LUZP2: variants seen among roughly 807,000 people sequenced by gnomAD.
LUZP2 encodes the protein leucine zipper protein 2.
In LUZP2, 52 loss-of-function variants were observed where a neutral mutation model predicts 51.6. The observed-to-expected ratio is 1.01, with a 90% CI of 0.81 to 1.27. The LOEUF (loss-of-function observed/expected upper bound fraction) is 1.27, where lower values mean the gene tolerates loss of function less well. LUZP2 is among the 50% of genes most tolerant of loss of function. The pLI, the probability that LUZP2 is intolerant of heterozygous loss-of-function variation, is 0.00. For synonymous variants in LUZP2, 154 were observed against 137.3 expected (o/e 1.12, Z -0.85); for missense variants, 436 against 395.4 (o/e 1.10, Z -0.87).
intron 1 of LUZP2, among the ~76,000 whole-genome samples, chr11:24,532,561 G>T (rs1354066434): frequency 6.6e-6 from 1 of 150,906 alleles, no homozygotes; most frequent in Non-Finnish European, 1.5e-5. Context: ...ACACAAAAAA[G>T]TCGCTATAAC....
At chr11:24,579,911 C>T (rs7944923) in intron 1 of LUZP2, among the ~76,000 whole-genome samples, 147,878 of 152,104 alleles carry the variant, frequency 0.97, 71,995 homozygotes, top group East Asian at 1. Context: ...CTACAAAATA[C>T]ATCTAAGCAA....
intron 1 of LUZP2, among the ~76,000 whole-genome samples, chr11:24,614,443 A>T (rs888124511): frequency 6.6e-6 from 1 of 151,972 alleles, no homozygotes; most frequent in Non-Finnish European, 1.5e-5. Flanking sequence ...CATTTCATTT[A>T]ACCCCCTAAA....
chr11:24,845,639 A>G (rs964726956), intron 5 of LUZP2, among the ~76,000 whole-genome samples: 2 of 152,160 alleles, frequency 1.3e-5, no homozygotes, highest in Non-Finnish European at 2.9e-5. Flanking sequence ...TCAGTGGGAC[A>G]TGATTGAATT....
At chr11:24,508,564 C>G (rs1313987596) in intron 1 of LUZP2, among the ~76,000 whole-genome samples, 1 of 152,018 alleles carries the variant, frequency 6.6e-6, no homozygotes, top group Non-Finnish European at 1.5e-5. Context: ...AGATGTCTTC[C>G]AAGTGTTAAT....
At chr11:24,675,789 ATATTTATTTATTTATT>A (rs61265735) in intron 1 of LUZP2, among the ~76,000 whole-genome samples, 38,183 of 136,412 alleles carry the variant, frequency 0.28, 5,757 homozygotes, top group Admixed American at 0.38. Context: ...TCTTTTTTTT[ATATTTATTTATTTATT>A]TATTTATTTA....
chr11:24,968,982 G>C (rs1855669846), intron 7 of LUZP2, among the ~76,000 whole-genome samples: 1 of 152,188 alleles, frequency 6.6e-6, no homozygotes, highest in African/African-American at 2.4e-5. Flanking sequence ...GACATGTCTA[G>C]AAGCAGATAA....
intron 10 of LUZP2, among the ~76,000 whole-genome samples, chr11:25,052,280 G>T (rs552730745): frequency 1.3e-5 from 2 of 152,304 alleles, no homozygotes; most frequent in East Asian, 3.9e-4. Flanking sequence ...ATGAACATCA[G>T]TTTTCAAGTT....
chr11:24,828,762 G>A, intron 5 of LUZP2, among the ~76,000 whole-genome samples: 1 of 152,228 alleles, frequency 6.6e-6, no homozygotes, highest in East Asian at 1.9e-4. Flanking sequence ...CTTCAAGCTG[G>A]GCTGGAAAAA....
chr11:24,621,768 A>G (rs372406175), intron 1 of LUZP2, among the ~76,000 whole-genome samples: 3 of 152,296 alleles, frequency 2.0e-5, no homozygotes, highest in South Asian at 4.1e-4. Context: ...TCCTCTTAAT[A>G]GAACATTGTC....
chr11:24,699,329 T>A (rs943020326), intron 1 of LUZP2, among the ~76,000 whole-genome samples: 1 of 152,148 alleles, frequency 6.6e-6, no homozygotes, highest in Non-Finnish European at 1.5e-5. Flanking sequence ...GTCAACAAAT[T>A]TTTGGTGCAA....
chr11:24,840,305 C>T (rs1850988643), intron 5 of LUZP2, among the ~76,000 whole-genome samples: 1 of 151,732 alleles, frequency 6.6e-6, no homozygotes, highest in Admixed American at 6.6e-5. Flanking sequence ...GGTTCTGCAA[C>T]AGAAATACAC....
chr11:24,711,221 G>T (rs1218928279), intron 1 of LUZP2, among the ~76,000 whole-genome samples: 4 of 152,008 alleles, frequency 2.6e-5, no homozygotes, highest in South Asian at 2.1e-4. Context: ...AGGCCAAGGC[G>T]GGCGGATCAC....
intron 1 of LUZP2, among the ~76,000 whole-genome samples, chr11:24,714,673 G>A (rs1195191589): frequency 6.6e-6 from 1 of 152,090 alleles, no homozygotes; most frequent in Non-Finnish European, 1.5e-5. Context: ...TAAAATATTT[G>A]CAGCAGAATT....
chr11:24,633,939 C>T (rs999103135), intron 1 of LUZP2, among the ~76,000 whole-genome samples: 2 of 148,440 alleles, frequency 1.3e-5, no homozygotes, highest in South Asian at 2.1e-4. Context: ...GTCTAACACA[C>T]GTGTGTGTGT....
chr11:24,958,349 A>C (rs1315880842), intron 7 of LUZP2, among the ~76,000 whole-genome samples: 1 of 152,198 alleles, frequency 6.6e-6, no homozygotes, highest in Non-Finnish European at 1.5e-5. Context: ...CAATGGTTGA[A>C]CTAGTTGACA....
chr11:24,962,180 AT>A, intron 7 of LUZP2, among the ~76,000 whole-genome samples: 1 of 151,854 alleles, frequency 6.6e-6, no homozygotes, highest in Non-Finnish European at 1.5e-5. Context: ...TGCCCTTAAC[AT>A]TTTTTCCTTC....
chr11:24,774,972 C>T (rs1362903818), intron 5 of LUZP2, among the ~76,000 whole-genome samples: 1 of 150,928 alleles, frequency 6.6e-6, no homozygotes, highest in African/African-American at 2.4e-5. Flanking sequence ...TTTCTGGCTA[C>T]CTACCTACTC....
chr11:24,839,525 T>A (rs1009042390), intron 5 of LUZP2, among the ~76,000 whole-genome samples: 1 of 151,690 alleles, frequency 6.6e-6, no homozygotes, highest in Non-Finnish European at 1.5e-5. Flanking sequence ...ATTTAGTACT[T>A]TAGTACAATT....
chr11:24,719,741 A>G (rs1858192738), intron 1 of LUZP2, among the ~76,000 whole-genome samples: 1 of 152,202 alleles, frequency 6.6e-6, no homozygotes, highest in Non-Finnish European at 1.5e-5. Flanking sequence ...TGTAACTGAT[A>G]CTGTTTGATT....
Sources: allele counts gnomAD v4.1 joint callset (sites outside exome capture counted in the v4.1 genomes callset), GRCh38; gene constraint gnomAD v4.1.1; transcripts MANE v1.5; gene names NCBI Gene and HGNC (gene_info 2026-07-23, HGNC 2026-07-21).